RIPK4: variants seen among roughly 807,000 people sequenced by gnomAD.
The protein encoded by RIPK4 is receptor interacting serine/threonine kinase 4, also known as receptor-interacting serine/threonine-protein kinase 4.
RIPK4 carries 17 observed loss-of-function variants against 42.9 expected under a neutral mutation model. The ratio of observed to expected loss-of-function variants is 0.40; its 90% CI spans 0.27 to 0.59. The LOEUF (loss-of-function observed/expected upper bound fraction) is 0.59, where lower values mean the gene tolerates loss of function less well. RIPK4 is among the 20% of genes least tolerant of loss of function. RIPK4 has a pLI of 0.47. For missense variants in RIPK4, 897 were observed against 1,104.4 expected, an observed-to-expected ratio of 0.81 and a Z score of 2.66; for synonymous variants, 498 against 499.1, an observed-to-expected ratio of 1.00 and a Z score of 0.03.
chr21:41,755,986 C>T lies in RIPK4; in HGVS notation c.474+539G>A, dbSNP rs977946848. On this transcript the variant is annotated intron_variant, in intron 2 of 7. Coordinates refer to ENST00000332512, the MANE Select transcript of RIPK4 (RefSeq NM_020639.3). The surrounding 1 kb of genome is among the most constrained non-coding windows in gnomAD (Gnocchi z 4.2). Reference sequence around the variant, plus strand: ...CTCCATCTCCCAGGCGTTGCACTAACGCAACACGCTGCCACTCCGCACTCT... The same window carrying T: ...CTCCATCTCCCAGGCGTTGCACTAATGCAACACGCTGCCACTCCGCACTCT... Among the ~76,000 whole-genome samples the T allele has an allele frequency of 1.1e-4, 16 of 152,208 alleles. No homozygotes were observed. Among genetic ancestry groups the T allele is most frequent in the African/African-American group, 3.6e-4 (15 of 41,446 alleles).
At chr21:41,745,694 G>T in intron 6 of RIPK4, 65 bp downstream of exon 6, 1 of 1,231,714 alleles carries the variant, frequency 8.1e-7, no homozygotes, top group Non-Finnish European at 1.2e-6. Context: ...GCAAAGAGGA[G>T]TGGTTTGGAA....
At chr21:41,746,853 C>G in intron 4 of RIPK4, 82 bp from the exon 5 acceptor site, 2 of 1,470,552 alleles carry the variant, frequency 1.4e-6, no homozygotes, top group Non-Finnish European at 1.8e-6. Flanking sequence ...GACACACTCG[C>G]CGGGGGCCAC....
intron 2 of RIPK4, among the ~76,000 whole-genome samples, chr21:41,752,936 C>T (rs2061192776): frequency 6.6e-6 from 1 of 152,130 alleles, no homozygotes; most frequent in African/African-American, 2.4e-5. Flanking sequence ...CACCATGGCA[C>T]ATATAAACCT....
intron 2 of RIPK4, among the ~76,000 whole-genome samples, chr21:41,754,709 G>A (rs1438071253): frequency 2.6e-5 from 4 of 152,192 alleles, no homozygotes; most frequent in Non-Finnish European, 5.9e-5. Flanking sequence ...CTGTGTGAAG[G>A]CCCAGCCCCA....
At chr21:41,766,452 C>A (rs749675569) in intron 1 of RIPK4, among the ~76,000 whole-genome samples, 1 of 152,200 alleles carries the variant, frequency 6.6e-6, no homozygotes, top group South Asian at 2.1e-4. Flanking sequence ...GGGTCCCGGG[C>A]GGGCCGGACG....
At position 41,766,843 on chromosome 21, in the gene RIPK4, C is replaced by G; in HGVS notation, c.182+17G>C. On this transcript the variant is annotated intron_variant, in intron 1 of 7. Transcript: ENST00000332512. ...CCCGGGCCCCAGCCGCCCCAGCGCC[C>G]CGCCCGGGCCGCTCACCTGTCGTCG... 1.2e-6 allele frequency: 2 copies of G among 1,600,388 alleles called. No homozygotes were observed. The highest frequency in any genetic ancestry group is 1.7e-6 in the Non-Finnish European group (2 of 1,174,188).
At position 41,741,969 on chromosome 21, in the gene RIPK4, C is replaced by T. The variant is rs191281724; in HGVS notation, c.1224G>A (p.Lys408=). ...CGGACACGATGGCATCCACAAGCTT[C>T]TTCTTCTGGACGTCTGTGGTGCCCA... ...SDLGTTDVQK[K]KLVDAIVSGD... is the part of the protein sequence containing the mutation. Residue 408 remains lysine, a synonymous_variant, in exon 8 of 8, where the codon AAG becomes AAA. Coordinates refer to ENST00000332512, the MANE Select transcript of RIPK4 (RefSeq NM_020639.3). The T allele has an allele frequency of 1.2e-5, 19 of 1,603,592 alleles. No individual in the cohort carries two copies. In the African/African-American group the frequency reaches 1.6e-4, roughly 14 times the overall value.
chr21:41,752,063 C>A (rs775517973), intron 2 of RIPK4, among the ~76,000 whole-genome samples: 2 of 152,108 alleles, frequency 1.3e-5, no homozygotes, highest in Non-Finnish European at 2.9e-5. Flanking sequence ...CTCTCGGGGG[C>A]ATCCCCTTTC....
At chr21:41,765,191 G>A (rs2061232424) in intron 1 of RIPK4, among the ~76,000 whole-genome samples, 1 of 152,222 alleles carries the variant, frequency 6.6e-6, no homozygotes, top group African/African-American at 2.4e-5. Context: ...TTTCACTGAT[G>A]ATTAAAGCTC....
intron 4 of RIPK4, among the ~76,000 whole-genome samples, chr21:41,747,138 G>A (rs1338840736): frequency 6.6e-6 from 1 of 152,228 alleles, no homozygotes; most frequent in Non-Finnish European, 1.5e-5. Flanking sequence ...AGCCAGCAAA[G>A]GGAATGAGGC....
At chr21:41,762,696 T>G (rs187682965) in intron 1 of RIPK4, among the ~76,000 whole-genome samples, 2 of 152,292 alleles carry the variant, frequency 1.3e-5, no homozygotes, top group East Asian at 3.9e-4. Flanking sequence ...TTTTAATACA[T>G]TTTTTTCTCC....
rs1232846797 is a variant in RIPK4, at chr21:41,751,527, G to C, written c.475-282C>G. On this transcript the variant is annotated intron_variant, in intron 2 of 7. Coordinates refer to ENST00000332512, the MANE Select transcript of RIPK4 (RefSeq NM_020639.3). This position sits in a 1 kb window ranked among gnomAD's most constrained non-coding sequence, Gnocchi z 4.5. ...AGTTATCCGGGACAGAACTGCAGAA[G>C]AATTAGAATCCACCTTCTGTAAAGC... is the stretch of plus-strand genomic sequence containing the variant. 6.6e-6 allele frequency among the ~76,000 whole-genome samples: 1 copy of C among 152,232 alleles called. No homozygotes were observed. Among genetic ancestry groups the C allele is most frequent in the Non-Finnish European group, 1.5e-5 (1 of 68,050 alleles).
chr21:41,756,315 T>C (rs1415400604), intron 2 of RIPK4, among the ~76,000 whole-genome samples: 1 of 152,204 alleles, frequency 6.6e-6, no homozygotes. Context: ...TCCAGCTACA[T>C]GGCGTGTGGT....
intron 4 of RIPK4, among the ~76,000 whole-genome samples, chr21:41,747,025 G>A (rs1428835455): frequency 2.0e-5 from 3 of 152,342 alleles, no homozygotes; most frequent in Non-Finnish European, 4.4e-5. Context: ...GAAGGAGTCA[G>A]TGTGTTTGGT....
At chr21:41,753,148 G>A (rs2061193383) in intron 2 of RIPK4, among the ~76,000 whole-genome samples, 1 of 152,158 alleles carries the variant, frequency 6.6e-6, no homozygotes, top group African/African-American at 2.4e-5. Context: ...GTACAAGTTA[G>A]TAGCTCCGTG....
chr21:41,745,965 C>A (rs567526579), intron 5 of RIPK4, 103 bp from the exon 6 acceptor site: 2 of 981,060 alleles, frequency 2.0e-6, no homozygotes, highest in African/African-American at 1.6e-5. Flanking sequence ...ATTTCTCACA[C>A]GCCTCGGCCC....
chr21:41,747,565 T>C (rs889013835), intron 4 of RIPK4, among the ~76,000 whole-genome samples: 30 of 152,216 alleles, frequency 2.0e-4, no homozygotes, highest in Non-Finnish European at 2.1e-4. Context: ...GGAGAGGCCA[T>C]GTGCCTCAGC....
At chr21:41,757,660 A>G (rs1312717401) in intron 1 of RIPK4, among the ~76,000 whole-genome samples, 1 of 152,070 alleles carries the variant, frequency 6.6e-6, no homozygotes, top group Non-Finnish European at 1.5e-5. Context: ...GCATAGGTCC[A>G]AAGCATGGGG....
At chr21:41,745,661 T>C (rs2061168306) in intron 6 of RIPK4, 98 bp downstream of exon 6, 1 of 826,620 alleles carries the variant, frequency 1.2e-6, no homozygotes, top group Admixed American at 2.1e-5. Context: ...AGAGGGAGAG[T>C]GGTCCGGGCG....
Sources: allele counts gnomAD v4.1 joint callset (sites outside exome capture counted in the v4.1 genomes callset), GRCh38; gene constraint gnomAD v4.1.1; non-coding constraint Gnocchi (gnomAD v3.1); transcripts MANE v1.5; gene names NCBI Gene and HGNC (gene_info 2026-07-23, HGNC 2026-07-21).